FGF14: variants seen among roughly 807,000 people sequenced by gnomAD.
The protein encoded by FGF14 is fibroblast growth factor homologous factor 4.
FGF14 carries 5 observed loss-of-function variants against 25.5 expected under a neutral mutation model. That is an observed-to-expected ratio of 0.20 (90% CI 0.10 to 0.41). The LOEUF (loss-of-function observed/expected upper bound fraction) is 0.41, where lower values mean the gene tolerates loss of function less well. Among genes scored for constraint, FGF14 ranks in the 10% least tolerant of loss-of-function variants. FGF14 has a pLI of 1.00. For synonymous variants in FGF14, 138 were observed against 118.3 expected (o/e 1.17, Z -1.08); for missense variants, 222 against 320.1 (o/e 0.69, Z 2.34).
intron 1 of FGF14, among the ~76,000 whole-genome samples, chr13:102,312,040 C>T (rs2055795342): frequency 6.6e-6 from 1 of 152,078 alleles, no homozygotes; most frequent in Non-Finnish European, 1.5e-5. Flanking sequence ...TTTAGTTTAG[C>T]TGGGCCGCTA....
At chr13:102,017,202 T>C (rs1184526772) in intron 1 of FGF14, 37 of 293,298 alleles carry the variant, frequency 1.3e-4, no homozygotes, top group Admixed American at 1.2e-3. Flanking sequence ...GTTTTACTTG[T>C]TGATTTTTGG....
Position 102,148,216 on chromosome 13 carries a change from A to G in FGF14, c.208+253255T>C, listed in dbSNP as rs577894583. On this transcript the variant is annotated intron_variant, in intron 1 of 4. Transcript: ENST00000376131. Reference sequence around the variant, plus strand: ...TTTAAATTCAATGTAACTTGGGGGGAAAAAAAGTCATTTTGAAACTCCAAA... The same window carrying G: ...TTTAAATTCAATGTAACTTGGGGGGGAAAAAAGTCATTTTGAAACTCCAAA... Among the ~76,000 whole-genome samples, 22 of 152,078 alleles carry G rather than the reference A, an allele frequency of 1.4e-4. No individual in the cohort carries two copies. The East Asian group carries it at 1.9e-3, about 13-fold the overall frequency.
At chr13:102,056,961 T>C (rs1445446388) in intron 1 of FGF14, among the ~76,000 whole-genome samples, 1 of 151,560 alleles carries the variant, frequency 6.6e-6, no homozygotes, top group African/African-American at 2.4e-5. Context: ...ACTTTTAAAA[T>C]TTGCTTTGAC....
rs149851192 is a variant in FGF14, at chr13:101,850,966, G to A, written c.408+17759C>T. 8.9e-4 allele frequency among the ~76,000 whole-genome samples: 136 copies of A among 151,980 alleles called. 1 individual carries two copies. The highest frequency in any genetic ancestry group is 3.0e-3 in the African/African-American group (124 of 41,486). On this transcript the variant is annotated intron_variant, in intron 3 of 4. Coordinates refer to ENST00000376143, the MANE Select transcript of FGF14 (RefSeq NM_004115.4). ...AGGGATAGGAAGTTAAATAAGATGC[G>A]CATTATGGATTGAACTGTGTTTCCC...
At chr13:102,389,112 T>C (rs2058373589) in intron 1 of FGF14, among the ~76,000 whole-genome samples, 1 of 152,076 alleles carries the variant, frequency 6.6e-6, no homozygotes, top group Admixed American at 6.6e-5. Flanking sequence ...TTTCCCCTTC[T>C]TCCCCTTCTT....
At chr13:102,097,977 C>A (rs2044481629) in intron 1 of FGF14, among the ~76,000 whole-genome samples, 3 of 152,218 alleles carry the variant, frequency 2.0e-5, no homozygotes, top group Admixed American at 6.5e-5. Flanking sequence ...AGTCTGGAGA[C>A]CTGCTGCTCA....
At chr13:101,786,414 G>T (rs552865335) in intron 3 of FGF14, among the ~76,000 whole-genome samples, 1 of 152,116 alleles carries the variant, frequency 6.6e-6, no homozygotes, top group Admixed American at 6.5e-5. Flanking sequence ...GGTGGAGGAC[G>T]GGGAGTTAAA....
chr13:102,379,519 T>C (rs930011130), intron 1 of FGF14, among the ~76,000 whole-genome samples: 3 of 151,670 alleles, frequency 2.0e-5, no homozygotes, highest in Non-Finnish European at 2.9e-5. Context: ...TTAAAGTATA[T>C]ATATATATAC....
intron 3 of FGF14, among the ~76,000 whole-genome samples, chr13:101,865,916 G>T (rs575132747): frequency 6.6e-6 from 1 of 152,048 alleles, no homozygotes; most frequent in Non-Finnish European, 1.5e-5. Flanking sequence ...GACTTCATTT[G>T]TCTGATTTAA....
Position 102,400,555 on chromosome 13 carries a change from C to T in FGF14, c.208+916G>A, listed in dbSNP as rs1201812062. On this transcript the variant is annotated intron_variant, in intron 1 of 4. Transcript: ENST00000376131. The surrounding 1 kb of genome is among the most constrained non-coding windows in gnomAD (Gnocchi z 4.3). ...ACAGCTCCGCGGCCGCCCCCAATCG[C>T]CTCGGACTGAGACGCGGGGACGGGA... Among the ~76,000 whole-genome samples the T allele has an allele frequency of 2.6e-5, 4 of 152,208 alleles. No homozygotes were observed. The highest frequency in any genetic ancestry group is 1.3e-4 in the Admixed American group (2 of 15,286).
chr13:101,879,010 G>A (rs1370956524), intron 1 of FGF14, among the ~76,000 whole-genome samples: 1 of 151,970 alleles, frequency 6.6e-6, no homozygotes, highest in Non-Finnish European at 1.5e-5. Flanking sequence ...GATTCCCAAT[G>A]AATAATTGAA....
At chr13:102,026,603 G>A (rs16959632) in intron 1 of FGF14, among the ~76,000 whole-genome samples, 4,820 of 151,736 alleles carry the variant, frequency 0.032, 247 homozygotes, top group African/African-American at 0.11. Flanking sequence ...ATTATTTGTC[G>A]TCTATATTCT....
intron 3 of FGF14, among the ~76,000 whole-genome samples, chr13:101,738,619 A>C (rs978378724): frequency 1.3e-5 from 2 of 152,100 alleles, no homozygotes; most frequent in Non-Finnish European, 2.9e-5. Flanking sequence ...AGAGACCCTG[A>C]GGAGGGGAGA....
chr13:101,726,539 T>C (rs2035448759), intron 4 of FGF14, 73 bp downstream of exon 4: 9 of 1,402,056 alleles, frequency 6.4e-6, no homozygotes, highest in African/African-American at 4.3e-5. Context: ...CTTAGAGCCA[T>C]GGTAGACCTA....
At chr13:102,208,942 T>C (rs766721161) in intron 1 of FGF14, among the ~76,000 whole-genome samples, 11 of 152,224 alleles carry the variant, frequency 7.2e-5, no homozygotes, top group Non-Finnish European at 1.5e-4. Context: ...CAAATTTAAA[T>C]GATTCTTTTC....
At chr13:101,747,180 C>A (rs1381744639) in intron 3 of FGF14, among the ~76,000 whole-genome samples, 1 of 151,900 alleles carries the variant, frequency 6.6e-6, no homozygotes, top group African/African-American at 2.4e-5. Context: ...AGAATAGCCT[C>A]TGGTAAAGGC....
chr13:101,730,881 G>A (rs2035763454), intron 3 of FGF14, among the ~76,000 whole-genome samples: 2 of 152,122 alleles, frequency 1.3e-5, no homozygotes, highest in African/African-American at 4.8e-5. Context: ...AGTGGTAGAA[G>A]CAATGATTTT....
At chr13:101,741,205 G>T (rs2036531669) in intron 3 of FGF14, among the ~76,000 whole-genome samples, 1 of 152,156 alleles carries the variant, frequency 6.6e-6, no homozygotes, top group Admixed American at 6.5e-5. Flanking sequence ...GCATGGTGGT[G>T]GGTGCCTATA....
At chr13:101,871,102 C>T (rs1020769531) in intron 2 of FGF14, among the ~76,000 whole-genome samples, 12 of 152,022 alleles carry the variant, frequency 7.9e-5, no homozygotes, top group South Asian at 2.1e-4. Flanking sequence ...ATGATGGAAC[C>T]GGTACTAGTT....
Sources: gnomAD v4.1 joint callset for allele counts (sites outside exome capture counted in the v4.1 genomes callset) on GRCh38, gnomAD v4.1.1 for gene constraint, Gnocchi (gnomAD v3.1) non-coding constraint, MANE v1.5 for transcripts, NCBI Gene and HGNC (gene_info 2026-07-23, HGNC 2026-07-21) for gene names.